The following SPAG16 variants were observed in gnomAD, a reference collection of about 807,000 sequenced individuals.
SPAG16 encodes sperm associated antigen 16.
Under a neutral mutation model 80.4 loss-of-function variants are expected in SPAG16, and 86 were observed. That is an observed-to-expected ratio of 1.07 (90% CI 0.90 to 1.28). The LOEUF (loss-of-function observed/expected upper bound fraction) is 1.28. Among genes scored for constraint, SPAG16 ranks in the 50% most tolerant of loss-of-function variants. The probability of loss-of-function intolerance (pLI) is 0.00; values close to 1 mark genes in which losing one functional copy is unlikely to be tolerated. For synonymous variants in SPAG16, 294 were observed against 265.9 expected (o/e 1.11, Z -1.03); for missense variants, 870 against 765.3 (o/e 1.14, Z -1.61).
intron 10 of SPAG16, among the ~76,000 whole-genome samples, chr2:213,613,823 T>A (rs898227334): frequency 6.6e-6 from 1 of 152,250 alleles, no homozygotes; most frequent in Non-Finnish European, 1.5e-5. Flanking sequence ...TGGTTCTTCC[T>A]ATTCCTCTCC....
intron 10 of SPAG16, among the ~76,000 whole-genome samples, chr2:213,715,694 A>G (rs2066212505): frequency 6.6e-6 from 1 of 152,176 alleles, no homozygotes; most frequent in African/African-American, 2.4e-5. Context: ...TTTTCTTTTC[A>G]TCTACCTGAC....
rs762771869 is a variant in SPAG16, at chr2:213,566,425, A to G, written c.1070+76335A>G. 8.4e-4 allele frequency among the ~76,000 whole-genome samples: 128 copies of G among 152,236 alleles called. 1 individual carries two copies. Among genetic ancestry groups the G allele is most frequent in the Non-Finnish European group, 4.3e-4 (29 of 68,006 alleles). ...CAATTTGTTTCTCTCACCCCCTTCA[A>G]TTTTTTTATTCTTTAATCCTTCATT... On this transcript the variant is annotated intron_variant, in intron 10 of 15. Transcript: ENST00000331683.
At chr2:213,637,573 A>G (rs1386523451) in intron 10 of SPAG16, among the ~76,000 whole-genome samples, 1 of 151,938 alleles carries the variant, frequency 6.6e-6, no homozygotes, top group East Asian at 1.9e-4. Flanking sequence ...CTGGTCCTGG[A>G]CTTTTGTTGT....
chr2:213,754,594 A>G (rs1338369053), intron 10 of SPAG16, among the ~76,000 whole-genome samples: 1 of 152,240 alleles, frequency 6.6e-6, no homozygotes, highest in Non-Finnish European at 1.5e-5. Context: ...CTAAATTTGT[A>G]AACTTCATAA....
intron 10 of SPAG16, among the ~76,000 whole-genome samples, chr2:213,729,569 A>G (rs941040244): frequency 6.6e-6 from 1 of 152,178 alleles, no homozygotes; most frequent in Non-Finnish European, 1.5e-5. Context: ...CAGTGACCCA[A>G]TGGCCCTCAG....
At chr2:213,617,088 A>C (rs2061621978) in intron 10 of SPAG16, among the ~76,000 whole-genome samples, 1 of 152,196 alleles carries the variant, frequency 6.6e-6, no homozygotes, top group Admixed American at 6.5e-5. Flanking sequence ...TAGGGAAAAG[A>C]TAAGTCCAAA....
intron 10 of SPAG16, among the ~76,000 whole-genome samples, chr2:213,770,928 G>A (rs114567002): frequency 0.016 from 2,406 of 152,182 alleles, 73 homozygotes; most frequent in African/African-American, 0.054. Context: ...GAACACATGC[G>A]TGCAAGTGTC....
intron 15 of SPAG16, among the ~76,000 whole-genome samples, chr2:214,230,791 A>G (rs1269353987): frequency 6.6e-6 from 1 of 151,848 alleles, no homozygotes; most frequent in East Asian, 1.9e-4. Context: ...GGAGGTGATG[A>G]ATGGGGAGGC....
intron 10 of SPAG16, among the ~76,000 whole-genome samples, chr2:213,606,175 A>G (rs2061253482): frequency 6.6e-6 from 1 of 152,212 alleles, no homozygotes; most frequent in Admixed American, 6.5e-5. Flanking sequence ...GTAGCATTCC[A>G]TTATATACAT....
At position 213,694,620 on chromosome 2, in the gene SPAG16, GT is replaced by G. The variant is rs1411927068; in HGVS notation, c.1071-167864del. ...TTTGCTTCAGCTCAACATTCCTAAG[GT>G]CATAATCTGGACATTGCTGTTACCA... On this transcript the variant is annotated intron_variant, in intron 10 of 15. Coordinates refer to ENST00000331683, the MANE Select transcript of SPAG16 (RefSeq NM_024532.5). Among the ~76,000 whole-genome samples the G allele has an allele frequency of 3.3e-5, 5 of 151,980 alleles. No homozygotes were observed. The East Asian group carries it at 9.7e-4, about 29-fold the overall frequency.
intron 10 of SPAG16, among the ~76,000 whole-genome samples, chr2:213,653,902 T>A (rs1360464597): frequency 6.6e-6 from 1 of 152,164 alleles, no homozygotes; most frequent in African/African-American, 2.4e-5. Context: ...TAAAGATGTA[T>A]TTGACTATTG....
intron 10 of SPAG16, among the ~76,000 whole-genome samples, chr2:213,647,388 GTCTTCTGCTTCTTTCACCTT>G (rs1457213653): frequency 1.3e-5 from 2 of 152,140 alleles, no homozygotes; most frequent in African/African-American, 4.8e-5. Flanking sequence ...CCAGTTCTGA[GTCTTCTGCTTCTTTCACCTT>G]TCTTTTGAGC....
chr2:213,643,348 TTATATATATATATATATATA>T (rs61608932), intron 10 of SPAG16, among the ~76,000 whole-genome samples: 1,078 of 38,992 alleles, frequency 0.028, 55 homozygotes, highest in East Asian at 0.049. Context: ...GATCTTAATT[TTATATATATATATATATATA>T]TATATATATA....
chr2:213,951,053 T>G (rs567216111), intron 12 of SPAG16, among the ~76,000 whole-genome samples: 2 of 151,278 alleles, frequency 1.3e-5, no homozygotes, highest in Non-Finnish European at 2.9e-5. Context: ...TTAGCATAAA[T>G]TGATTAATAT....
chr2:213,549,712 T>C (rs2076727977), intron 10 of SPAG16, among the ~76,000 whole-genome samples: 1 of 152,176 alleles, frequency 6.6e-6, no homozygotes, highest in African/African-American at 2.4e-5. Context: ...CTTGCAGTAG[T>C]AGTGTTTGAA....
chr2:213,793,852 C>G (rs1219280654), intron 10 of SPAG16, among the ~76,000 whole-genome samples: 2 of 152,040 alleles, frequency 1.3e-5, no homozygotes, highest in Non-Finnish European at 2.9e-5. Context: ...CATTATCTAC[C>G]TATATAATTT....
chr2:213,739,637 T>C (rs923391017), intron 10 of SPAG16, among the ~76,000 whole-genome samples: 6 of 152,270 alleles, frequency 3.9e-5, no homozygotes, highest in African/African-American at 1.4e-4. Flanking sequence ...AGTCTTGCTT[T>C]GTCGCCCAGG....
chr2:214,301,298 CAA>C (rs548924541), intron 15 of SPAG16, among the ~76,000 whole-genome samples: 2 of 137,134 alleles, frequency 1.5e-5, no homozygotes, highest in African/African-American at 2.7e-5. Context: ...ATCTAGGCAT[CAA>C]AAAAAAAAAA....
rs143212410 is a variant in SPAG16 at position 214,125,058 on chromosome 2, A to G, written c.1593+16797A>G. On this transcript the variant is annotated intron_variant, in intron 14 of 15. Transcript: ENST00000331683. ...TATATATGTTTTCTTTTTTTTTAAGATTTAGCAAATATTCCCTGACTTGTT... is the reference window on the plus strand; with the variant it reads ...TATATATGTTTTCTTTTTTTTTAAGGTTTAGCAAATATTCCCTGACTTGTT... 4.6e-5 allele frequency among the ~76,000 whole-genome samples: 7 copies of G among 150,912 alleles called. No homozygotes were observed. In the South Asian group the frequency reaches 1.5e-3, roughly 32 times the overall value.
Sources: gnomAD v4.1 joint callset for allele counts (sites outside exome capture counted in the v4.1 genomes callset) on GRCh38, gnomAD v4.1.1 for gene constraint, MANE v1.5 for transcripts, NCBI Gene and HGNC (gene_info 2026-07-23, HGNC 2026-07-21) for gene names.